Variants in TMEM108 observed in about 807,000 individuals in gnomAD.
TMEM108 encodes cancer/testis antigen 124.
TMEM108 carries 12 observed loss-of-function variants against 35.1 expected under a neutral mutation model. The ratio of observed to expected loss-of-function variants is 0.34; its 90% CI spans 0.22 to 0.55. TMEM108 has a LOEUF of 0.55. Ranked by LOEUF, TMEM108 falls within the 20% of genes least tolerant of loss-of-function variation. The pLI is 0.89. For synonymous variants in TMEM108, 287 were observed against 308.6 expected, an observed-to-expected ratio of 0.93 and a Z score of 0.73; for missense variants, 680 against 753.3, an observed-to-expected ratio of 0.90 and a Z score of 1.14.
intron 3 of TMEM108, among the ~76,000 whole-genome samples, chr3:133,343,505 CTG>C (rs1284301216): frequency 6.6e-6 from 1 of 151,890 alleles, no homozygotes; most frequent in African/African-American, 2.4e-5. Context: ...AGTAAACAAA[CTG>C]TGGTACAATC....
At chr3:133,044,622 G>A (rs1427092519) in intron 1 of TMEM108, among the ~76,000 whole-genome samples, 1 of 152,182 alleles carries the variant, frequency 6.6e-6, no homozygotes, top group African/African-American at 2.4e-5. Flanking sequence ...ACCCGAACCT[G>A]CATTTTTATC....
chr3:133,340,522 A>G (rs1373990216), intron 3 of TMEM108, among the ~76,000 whole-genome samples: 1 of 151,732 alleles, frequency 6.6e-6, no homozygotes, highest in Non-Finnish European at 1.5e-5. Flanking sequence ...TACTCAAACT[A>G]TTTCAAAAAA....
intron 2 of TMEM108, among the ~76,000 whole-genome samples, chr3:133,060,567 A>G (rs1943523738): frequency 6.6e-6 from 1 of 152,322 alleles, no homozygotes. Flanking sequence ...CTAATCTCCA[A>G]TGTGATAGTA....
chr3:133,387,824 A>T, intron 4 of TMEM108: 1 of 985,202 alleles, frequency 1.0e-6, no homozygotes, highest in Non-Finnish European at 1.2e-6. Context: ...CTAGATTCTA[A>T]TTCTAAATTC....
chr3:133,151,320 A>G (rs1412450559), intron 2 of TMEM108, among the ~76,000 whole-genome samples: 1 of 152,172 alleles, frequency 6.6e-6, no homozygotes, highest in Non-Finnish European at 1.5e-5. Flanking sequence ...AAGATGCCCA[A>G]CAAATAACTT....
intron 2 of TMEM108, among the ~76,000 whole-genome samples, chr3:133,051,553 A>T (rs368399886): frequency 7.9e-5 from 12 of 152,108 alleles, no homozygotes; most frequent in East Asian, 7.7e-4. Flanking sequence ...TTCATGGATC[A>T]TGCCTTTTGT....
chr3:133,146,464 T>A (rs1944721504), intron 2 of TMEM108, among the ~76,000 whole-genome samples: 1 of 152,350 alleles, frequency 6.6e-6, no homozygotes, highest in Admixed American at 6.5e-5. Flanking sequence ...GGTATCAGGA[T>A]GATGCTGGAC....
chr3:133,084,726 C>T (rs1254428641), intron 2 of TMEM108, among the ~76,000 whole-genome samples: 2 of 152,162 alleles, frequency 1.3e-5, no homozygotes, highest in East Asian at 1.9e-4. Flanking sequence ...GAACTATTAA[C>T]ATCCCATTTG....
At chr3:133,048,692 T>C (rs1943368010) in intron 2 of TMEM108, among the ~76,000 whole-genome samples, 1 of 152,218 alleles carries the variant, frequency 6.6e-6, no homozygotes, top group Non-Finnish European at 1.5e-5. Context: ...GGATCTACTA[T>C]GTAGAGAAGC....
intron 2 of TMEM108, among the ~76,000 whole-genome samples, chr3:133,074,163 G>C (rs1943712531): frequency 6.6e-6 from 1 of 152,076 alleles, no homozygotes; most frequent in Non-Finnish European, 1.5e-5. Context: ...AGAGAGTTGA[G>C]TGAATCCTAT....
chr3:133,360,007 T>TAAAAAAAAAAAA (rs59374214), intron 3 of TMEM108, among the ~76,000 whole-genome samples: 1 of 112,920 alleles, frequency 8.9e-6, no homozygotes, highest in Non-Finnish European at 1.8e-5. Context: ...ACTCAACAGT[T>TAAAAAAAAAAAA]AAAAAAAAAA....
At chr3:133,282,835 T>TA (rs1256666655) in intron 3 of TMEM108, among the ~76,000 whole-genome samples, 13 of 151,544 alleles carry the variant, frequency 8.6e-5, no homozygotes, top group African/African-American at 1.7e-4. Flanking sequence ...TATTTGATTT[T>TA]AAAAAAAAAG....
At chr3:133,058,826 ATTCT>A in intron 2 of TMEM108, among the ~76,000 whole-genome samples, 1 of 152,310 alleles carries the variant, frequency 6.6e-6, no homozygotes, top group East Asian at 1.9e-4. Flanking sequence ...CTTCTCTTGT[ATTCT>A]TTGTGTTGCC....
At position 133,395,956 on chromosome 3, in the gene TMEM108, T is replaced by G. The variant is rs1377011080; in HGVS notation, c.1698T>G (p.Phe566Leu). ...ACCCCTTCTGTCAAGAAACACTGTT[T>G]GTGGGAAACGATCAAGTATCTGAGA... Reference protein sequence around the residue: ...LVNPFCQETLFVGNDQVSEI With the variant: ...LVNPFCQETLLVGNDQVSEI The change falls in exon 6 of 6, where the codon TTT (phenylalanine) becomes TTG (leucine). Residue 566 changes from phenylalanine (F) to leucine (L), a missense_variant. Transcript: ENST00000321871. The G allele has an allele frequency of 4.4e-6, 7 of 1,603,508 alleles. No individual in the cohort carries two copies. Among genetic ancestry groups the G allele is most frequent in the African/African-American group, 1.3e-5 (1 of 74,398 alleles).
chr3:133,233,012 G>A (rs1048606999), intron 3 of TMEM108, among the ~76,000 whole-genome samples: 1 of 148,034 alleles, frequency 6.8e-6, no homozygotes, highest in Middle Eastern at 3.2e-3. Context: ...TCAAATCCTA[G>A]GTTTACCACT....
chr3:133,126,951 A>G (rs909204974), intron 2 of TMEM108, among the ~76,000 whole-genome samples: 1 of 152,156 alleles, frequency 6.6e-6, no homozygotes, highest in East Asian at 1.9e-4. Flanking sequence ...GGGCAGTTGC[A>G]TATGTAGAAC....
chr3:133,157,805 T>C (rs1944901957), intron 2 of TMEM108, among the ~76,000 whole-genome samples: 1 of 152,222 alleles, frequency 6.6e-6, no homozygotes, highest in Non-Finnish European at 1.5e-5. Flanking sequence ...GATTTACGTG[T>C]ATCCTGTTGA....
intron 3 of TMEM108, among the ~76,000 whole-genome samples, chr3:133,368,264 C>G (rs564473007): frequency 6.6e-6 from 1 of 152,276 alleles, no homozygotes; most frequent in African/African-American, 2.4e-5. Flanking sequence ...TAGCTGCCCC[C>G]CTAACAAAAA....
intron 3 of TMEM108, among the ~76,000 whole-genome samples, chr3:133,342,559 C>A (rs59310991): frequency 2.2e-5 from 1 of 45,416 alleles, no homozygotes; most frequent in Non-Finnish European, 4.3e-5. Flanking sequence ...TATATATACA[C>A]ACACACACAC....
Sources: gnomAD v4.1 joint callset for allele counts (sites outside exome capture counted in the v4.1 genomes callset) on GRCh38, gnomAD v4.1.1 for gene constraint, MANE v1.5 for transcripts, NCBI Gene and HGNC (gene_info 2026-07-23, HGNC 2026-07-21) for gene names.